LMOD1: variants seen among roughly 807,000 people sequenced by gnomAD.
The protein encoded by LMOD1 is leiomodin-1.
Under a neutral mutation model 36.5 loss-of-function variants are expected in LMOD1, and 8 were observed. The ratio of observed to expected loss-of-function variants is 0.22; its 90% CI spans 0.13 to 0.40. The LOEUF is 0.40. Ranked by LOEUF, LMOD1 falls within the 10% of genes least tolerant of loss-of-function variation. The pLI is 1.00. For missense variants in LMOD1, 630 were observed against 751.1 expected, an observed-to-expected ratio of 0.84 and a Z score of 1.88; for synonymous variants, 284 against 288.7, an observed-to-expected ratio of 0.98 and a Z score of 0.17.
In LMOD1 at chr1:201,929,925, C is replaced by T. The variant is rs557478314; in HGVS notation, c.261+16155G>A. Reference sequence around the variant, plus strand: ...GTGAACACAGAGGTGGAGCACACAACTTAGGCTGGGGGGGTCCGGAAAGCC... The same window carrying T: ...GTGAACACAGAGGTGGAGCACACAATTTAGGCTGGGGGGGTCCGGAAAGCC... On this transcript the variant is annotated intron_variant, in intron 1 of 2. Transcript: ENST00000367288. Among the ~76,000 whole-genome samples the T allele has an allele frequency of 3.3e-5, 5 of 152,280 alleles. No individual in the cohort carries two copies. In the South Asian group the frequency reaches 1.0e-3, roughly 32 times the overall value.
chr1:201,900,635 C>T lies in LMOD1; in HGVS notation c.378G>A (p.Lys126=). Residue 126 remains lysine, a synonymous_variant, in exon 2 of 3, where the codon AAG becomes AAA. Transcript: ENST00000367288. ...AGAAGCTTTTCTTTAAACCACCCCT[C>T]TTTGGCTCCTTCCCCAGATCTGAGT... is the stretch of plus-strand genomic sequence containing the variant. ...RRDSDLGKEP[K]RGGLKKSFSR... is the part of the protein sequence containing the mutation. The T allele has an allele frequency of 6.2e-7, 1 of 1,613,940 alleles. No homozygotes were observed.
intron 1 of LMOD1, among the ~76,000 whole-genome samples, chr1:201,905,223 C>A (rs942759382): frequency 6.6e-6 from 1 of 152,162 alleles, no homozygotes; most frequent in Admixed American, 6.5e-5. Context: ...AAAGGATGAC[C>A]TCTGAAAGCC....
rs75901011 is a variant in LMOD1, at chr1:201,945,225, C to T, written c.261+855G>A. 2.8e-3 allele frequency among the ~76,000 whole-genome samples: 421 copies of T among 152,252 alleles called. 2 individuals carry two copies. Among genetic ancestry groups the T allele is most frequent in the Non-Finnish European group, 4.6e-3 (314 of 68,024 alleles). ...TGCAATAGTGACAAAAAAAAAATTCCTCCATGCCAACTCAGGAAAACAGAA... is the reference window on the plus strand; with the variant it reads ...TGCAATAGTGACAAAAAAAAAATTCTTCCATGCCAACTCAGGAAAACAGAA... On this transcript the variant is annotated intron_variant, in intron 1 of 2. Coordinates refer to ENST00000367288, the MANE Select transcript of LMOD1 (RefSeq NM_012134.3).
chr1:201,937,960 C>T (rs936681901), intron 1 of LMOD1, among the ~76,000 whole-genome samples: 5 of 151,974 alleles, frequency 3.3e-5, no homozygotes, highest in Admixed American at 6.6e-5. Context: ...GTGTATAAAA[C>T]GAATGAAGAG....
At chr1:201,924,636 T>TAAAG (rs140290199) in intron 1 of LMOD1, among the ~76,000 whole-genome samples, 2 of 95,754 alleles carry the variant, frequency 2.1e-5, no homozygotes, top group African/African-American at 9.2e-5. Context: ...AAAGGAAGAA[T>TAAAG]AAAGAAAGAA....
intron 1 of LMOD1, among the ~76,000 whole-genome samples, chr1:201,924,687 A>AAGAG (rs1368575950): frequency 4.6e-5 from 3 of 65,540 alleles, no homozygotes; most frequent in African/African-American, 1.1e-4. Flanking sequence ...GAAAGAAAGA[A>AAGAG]AGAAAGAAAG....
intron 1 of LMOD1, among the ~76,000 whole-genome samples, chr1:201,931,456 C>A (rs1018821617): frequency 2.0e-5 from 3 of 150,660 alleles, no homozygotes; most frequent in African/African-American, 7.3e-5. Flanking sequence ...AATCGCTTGA[C>A]CCCAGGAAGC....
rs1681264280 is a variant in LMOD1 at position 201,899,834 on chromosome 1, G to A, written c.1179C>T (p.Asn393=). The change falls in exon 2 of 3, where the codon AAC becomes AAT. Residue 393 remains asparagine (N), a synonymous_variant. Coordinates refer to ENST00000367288, the MANE Select transcript of LMOD1 (RefSeq NM_012134.3). The surrounding 1 kb of genome is among the most constrained non-coding windows in gnomAD (Gnocchi z 6.3). ...TGCCTGTGATGTGGTTGGAGTCCAG[G>A]TTGAGGCTGGTGATGGTCTTGTTGG... The part of the protein sequence containing the change: ...LKANKTITSL[N]LDSNHITGKG... 1 of 1,613,918 alleles carries A rather than the reference G, an allele frequency of 6.2e-7. No homozygotes were observed. Among genetic ancestry groups the A allele is most frequent in the South Asian group, 1.1e-5 (1 of 91,084 alleles).
chr1:201,901,561 TATGTATATATATATATATATATAC>T, intron 1 of LMOD1, among the ~76,000 whole-genome samples: 6 of 30,166 alleles, frequency 2.0e-4, no homozygotes, highest in African/African-American at 9.5e-4. Context: ...TACATATATA[TATGTATATATATATATATATATAC>T]ATATATATAT....
rs537067593 is a variant in LMOD1, at chr1:201,937,308, G to A, written c.261+8772C>T. Among the ~76,000 whole-genome samples the A allele has an allele frequency of 9.9e-5, 15 of 151,914 alleles. No individual in the cohort carries two copies. The South Asian group carries it at 1.2e-3, about 13-fold the overall frequency. On this transcript the variant is annotated intron_variant, in intron 1 of 2. Coordinates refer to ENST00000367288, the MANE Select transcript of LMOD1 (RefSeq NM_012134.3). Reference sequence around the variant, plus strand: ...CAAATAATTTAAAAATTATCTGGGCGCGGTGGGACACACCTGTAGTCCTAA... The same window carrying A: ...CAAATAATTTAAAAATTATCTGGGCACGGTGGGACACACCTGTAGTCCTAA...
chr1:201,924,278 A>C (rs1318750787), intron 1 of LMOD1, among the ~76,000 whole-genome samples: 11 of 145,772 alleles, frequency 7.5e-5, no homozygotes, highest in Admixed American at 4.8e-4. Context: ...GAGCCGAGAT[A>C]GCGCCACTGC....
chr1:201,935,377 C>T (rs1465289374), intron 1 of LMOD1, among the ~76,000 whole-genome samples: 1 of 140,498 alleles, frequency 7.1e-6, no homozygotes, highest in Non-Finnish European at 1.6e-5. Flanking sequence ...CCCAACATTT[C>T]CCCTTGGGGG....
At chr1:201,937,579 C>A (rs953123789) in intron 1 of LMOD1, among the ~76,000 whole-genome samples, 6 of 152,142 alleles carry the variant, frequency 3.9e-5, no homozygotes, top group Non-Finnish European at 8.8e-5. Context: ...GCCTGGGCAA[C>A]ATGGTGAAAC....
chr1:201,923,732 A>T (rs1175043521), intron 1 of LMOD1, among the ~76,000 whole-genome samples: 1 of 151,924 alleles, frequency 6.6e-6, no homozygotes, highest in Non-Finnish European at 1.5e-5. Flanking sequence ...GAATGTGGTG[A>T]TGCACGCCTG....
chr1:201,900,420 G>A lies in LMOD1; in HGVS notation c.593C>T (p.Thr198Ile). 1 of 1,578,078 alleles carries A rather than the reference G, an allele frequency of 6.3e-7. No individual in the cohort carries two copies. Among genetic ancestry groups the A allele is most frequent in the Non-Finnish European group, 8.6e-7 (1 of 1,161,522 alleles). Residue 198 changes from threonine to isoleucine, a missense_variant, in exon 2 of 3, where the codon ACA (threonine) becomes ATA (isoleucine). By Grantham distance (89) the Thr-to-Ile change is moderately conservative. This residue lies in a region of LMOD1 where 405 missense variants were observed against 400.6 expected (regional missense o/e 1.01). Transcript: ENST00000367288. ...EEEKKGSDRN[T>I]GLSRDKDKKR... ...TTTATCCTTGTCCCTGCTCAAGCCT[G>A]TGTTCCTGTCACTCCCTTTCTTCTC...
At chr1:201,928,244 C>T (rs192899140) in intron 1 of LMOD1, among the ~76,000 whole-genome samples, 13 of 152,254 alleles carry the variant, frequency 8.5e-5, no homozygotes, top group South Asian at 2.1e-4. Flanking sequence ...TGGACTAAGA[C>T]GGGGGAATTG....
chr1:201,898,912 G>T (rs907415510), intron 2 of LMOD1, among the ~76,000 whole-genome samples: 2 of 152,184 alleles, frequency 1.3e-5, no homozygotes, highest in African/African-American at 4.8e-5. Flanking sequence ...GGAAGGACCC[G>T]AGGCAAAACT....
At chr1:201,942,509 C>A (rs1682134654) in intron 1 of LMOD1, among the ~76,000 whole-genome samples, 1 of 151,998 alleles carries the variant, frequency 6.6e-6, no homozygotes, top group Non-Finnish European at 1.5e-5. Flanking sequence ...ATATCCCATC[C>A]CTTGGAGGGA....
chr1:201,929,804 TAAG>T (rs1681888770), intron 1 of LMOD1, among the ~76,000 whole-genome samples: 1 of 152,100 alleles, frequency 6.6e-6, no homozygotes, highest in Non-Finnish European at 1.5e-5. Flanking sequence ...CCCTCACCCT[TAAG>T]AAGTTTGGGA....
Sources: allele counts gnomAD v4.1 joint callset (sites outside exome capture counted in the v4.1 genomes callset), GRCh38; gene constraint gnomAD v4.1.1; regional missense constraint gnomAD v4.1.1; non-coding constraint Gnocchi (gnomAD v3.1); transcripts MANE v1.5; gene names NCBI Gene and HGNC (gene_info 2026-07-23, HGNC 2026-07-21).